Variants in UPF2 observed in about 807,000 individuals in gnomAD.
UPF2 encodes the protein UPF2 regulator of nonsense mediated mRNA decay, also known as regulator of nonsense transcripts 2.
A neutral mutation model predicts 141.4 loss-of-function variants in UPF2; 17 were observed. That is an observed-to-expected ratio of 0.12 (90% confidence interval 0.08 to 0.18). The LOEUF (loss-of-function observed/expected upper bound fraction) is 0.18, where lower values mean the gene tolerates loss of function less well. Ranked by LOEUF, UPF2 falls within the 10% of genes least tolerant of loss-of-function variation. UPF2 has a pLI of 1.00. For synonymous variants in UPF2, 540 were observed against 498.0 expected (o/e 1.08, Z -1.12); for missense variants, 1,152 against 1,515.9 (o/e 0.76, Z 3.99).
chr10:12,010,530 C>T (rs933587395), intron 4 of UPF2, among the ~76,000 whole-genome samples: 2 of 151,860 alleles, frequency 1.3e-5, no homozygotes, highest in African/African-American at 4.8e-5. Context: ...CAGAAACTAT[C>T]CAAAAGGAAA....
chr10:12,025,934 C>CA (rs1834411876), intron 3 of UPF2, among the ~76,000 whole-genome samples: 1 of 152,152 alleles, frequency 6.6e-6, no homozygotes, highest in African/African-American at 2.4e-5. Context: ...GCTGAGACTA[C>CA]AAGCGCATGC....
At position 11,971,134 on chromosome 10, in the gene UPF2, T is replaced by C. The variant is rs1304685716; in HGVS notation, c.1954-3680A>G. On this transcript the variant is annotated intron_variant, in intron 9 of 21. Coordinates refer to ENST00000357604, the MANE Select transcript of UPF2 (RefSeq NM_015542.4). ...TATACAACATTTAAATGAAGTGTTA[T>C]AAATCAATGATCTCACTCCCTCATT... Among the ~76,000 whole-genome samples the C allele has an allele frequency of 2.0e-5, 3 of 152,190 alleles. No individual in the cohort carries two copies. The East Asian group carries it at 5.8e-4, about 29-fold the overall frequency.
At chr10:11,961,088 T>TTA (rs1218843298) in intron 11 of UPF2, among the ~76,000 whole-genome samples, 1 of 111,518 alleles carries the variant, frequency 9.0e-6, no homozygotes, top group Admixed American at 9.9e-5. Context: ...AGACCCTGTC[T>TTA]CAAAAAAAAA....
At chr10:12,038,307 A>G (rs1208538549) in intron 1 of UPF2, among the ~76,000 whole-genome samples, 1 of 151,498 alleles carries the variant, frequency 6.6e-6, no homozygotes, top group Non-Finnish European at 1.5e-5. Context: ...TTGAACCCAG[A>G]AAGCAGAGGT....
At position 11,921,379 on chromosome 10, in the gene UPF2, A is replaced by T. The variant is rs1832642322; in HGVS notation, c.3810-72T>A. 6.3e-7 allele frequency: 1 copy of T among 1,591,320 alleles called. No homozygotes were observed. The highest frequency in any genetic ancestry group is 8.6e-7 in the Non-Finnish European group (1 of 1,160,632). On this transcript the variant is annotated intron_variant, in intron 21 of 21. Coordinates refer to ENST00000357604, the MANE Select transcript of UPF2 (RefSeq NM_015542.4). The surrounding 1 kb of genome is among the most constrained non-coding windows in gnomAD (Gnocchi z 5.9). ...CAAAGTCCAGCAAGATGGCGTCTGC[A>T]ACGCTACCCACCACCACCAAGTCAC... is the stretch of plus-strand genomic sequence containing the variant.
rs775850427 is a variant in UPF2 at position 11,959,274 on chromosome 10, T to G, written c.2267A>C (p.Asn756Thr). 3 of 1,613,400 alleles carry G rather than the reference T, an allele frequency of 1.9e-6. No individual in the cohort carries two copies. The highest frequency in any genetic ancestry group is 1.1e-5 in the South Asian group (1 of 91,006). The change falls in exon 12 of 22, where the codon AAC (asparagine) becomes ACC (threonine). Residue 756 changes from asparagine (N) to threonine (T), a missense_variant. Coordinates refer to ENST00000357604, the MANE Select transcript of UPF2 (RefSeq NM_015542.4). This position sits in a 1 kb window ranked among gnomAD's most constrained non-coding sequence, Gnocchi z 5.9. Reference sequence around the variant, plus strand: ...CACGGTTTTTTCAGCTGGAGGTGGGTTGCAGTAGTAATATGCATTCTCTAC... The same window carrying G: ...CACGGTTTTTTCAGCTGGAGGTGGGGTGCAGTAGTAATATGCATTCTCTAC... ...TMVENAYYYC[N>T]PPPAEKTVKK...
At chr10:12,021,428 A>T (rs1200724716) in intron 3 of UPF2, among the ~76,000 whole-genome samples, 1 of 151,944 alleles carries the variant, frequency 6.6e-6, no homozygotes, top group Non-Finnish European at 1.5e-5. Flanking sequence ...GGTCTCAGCG[A>T]CTTGGGAGGC....
In UPF2 at chr10:11,964,085, G is replaced by A. The variant is rs748312131; in HGVS notation, c.2108C>T (p.Ala703Val). The part of the protein sequence containing the change: ...SDFSHHHIEM[A>V]CTLLETCGRF... ...TCCACATGTCTCCAGCAGGGTGCAT[G>A]CCATTTCAATATGGTGATGAGAGAA... The change falls in exon 11 of 22, where the codon GCA becomes GTA. Residue 703 changes from alanine (A) to valine (V), a missense_variant. Physicochemically the swap from Ala to Val is moderately conservative, Grantham distance 64. Coordinates refer to ENST00000357604, the MANE Select transcript of UPF2 (RefSeq NM_015542.4). 3.7e-6 allele frequency: 6 copies of A among 1,613,846 alleles called. No individual in the cohort carries two copies. Among genetic ancestry groups the A allele is most frequent in the Non-Finnish European group, 5.1e-6 (6 of 1,179,886 alleles).
chr10:11,946,254 A>T (rs1184965687), intron 16 of UPF2, among the ~76,000 whole-genome samples: 2 of 152,236 alleles, frequency 1.3e-5, no homozygotes, highest in African/African-American at 4.8e-5. Flanking sequence ...CCAATAAGTT[A>T]CAAAGCTTTA....
rs1204297336 is a variant in UPF2 at position 11,992,101 on chromosome 10, G to A, written c.1844+5571C>T. 2.6e-5 allele frequency among the ~76,000 whole-genome samples: 4 copies of A among 151,652 alleles called. No homozygotes were observed. Among genetic ancestry groups the A allele is most frequent in the Admixed American group, 6.6e-5 (1 of 15,216 alleles). Reference sequence around the variant, plus strand: ...AGAGGTTGCAGTGAGCCAAGATCGCGCCACTGCACTCCAGCATGGGCAATA... The same window carrying A: ...AGAGGTTGCAGTGAGCCAAGATCGCACCACTGCACTCCAGCATGGGCAATA... On this transcript the variant is annotated intron_variant, in intron 8 of 21. Coordinates refer to ENST00000357604, the MANE Select transcript of UPF2 (RefSeq NM_015542.4). This position sits in a 1 kb window ranked among gnomAD's most constrained non-coding sequence, Gnocchi z 4.1.
At chr10:11,926,156 G>C (rs1288772218) in intron 21 of UPF2, among the ~76,000 whole-genome samples, 1 of 152,184 alleles carries the variant, frequency 6.6e-6, no homozygotes, top group African/African-American at 2.4e-5. Context: ...AGAATGCAGA[G>C]GATTTGCTAA....
intron 19 of UPF2, among the ~76,000 whole-genome samples, chr10:11,934,637 T>C (rs1025078713): frequency 6.6e-6 from 1 of 152,258 alleles, no homozygotes; most frequent in African/African-American, 2.4e-5. Flanking sequence ...TCGCCCAGGC[T>C]GGAGTACAAT....
intron 4 of UPF2, among the ~76,000 whole-genome samples, chr10:12,005,557 AT>A (rs1029107854): frequency 6.6e-5 from 10 of 152,176 alleles, no homozygotes; most frequent in Admixed American, 6.5e-4. Flanking sequence ...GCTATAATAA[AT>A]TTAGAGGGTC....
chr10:12,034,623 T>C (rs559689197), intron 2 of UPF2, among the ~76,000 whole-genome samples: 2 of 152,212 alleles, frequency 1.3e-5, no homozygotes, highest in South Asian at 2.1e-4. Flanking sequence ...CTGGCCAACA[T>C]GGTGAAACGC....
Position 11,922,218 on chromosome 10 carries a change from G to A in UPF2, c.3810-911C>T, listed in dbSNP as rs74119907. ...ACTCCCTGACCTCAGGTTTCCTGCCGGCGGCCTCCAGTGCTGCGAGACAAC... is the reference window on the plus strand; with the variant it reads ...ACTCCCTGACCTCAGGTTTCCTGCCAGCGGCCTCCAGTGCTGCGAGACAAC... On this transcript the variant is annotated intron_variant, in intron 21 of 21. Coordinates refer to ENST00000357604, the MANE Select transcript of UPF2 (RefSeq NM_015542.4). 4.3e-3 allele frequency among the ~76,000 whole-genome samples: 660 copies of A among 152,280 alleles called. 2 individuals carry two copies. The highest frequency in any genetic ancestry group is 0.015 in the African/African-American group (637 of 41,542).
chr10:12,037,112 TCTCA>T (rs907500193), intron 1 of UPF2, among the ~76,000 whole-genome samples: 6 of 152,184 alleles, frequency 3.9e-5, no homozygotes, highest in African/African-American at 1.4e-4. Context: ...TGAAACAGGG[TCTCA>T]CTTTGTCGCC....
chr10:11,944,765 G>C (rs957507744), intron 16 of UPF2, among the ~76,000 whole-genome samples: 6 of 152,092 alleles, frequency 3.9e-5, no homozygotes, highest in Admixed American at 6.5e-5. Flanking sequence ...TTAAGATTTT[G>C]AACAAGAATT....
At position 11,956,704 on chromosome 10, in the gene UPF2, TATC is replaced by T. The variant is rs1833157146; in HGVS notation, c.2371-184_2371-182del. ...ACTTTCTAATTACAATAAAATGTAT[TATC>T]ATCTTTCCTAAATCCTTCCATAGTG... On this transcript the variant is annotated intron_variant, in intron 12 of 21. Transcript: ENST00000357604. This position sits in a 1 kb window ranked among gnomAD's most constrained non-coding sequence, Gnocchi z 4.2. Among the ~76,000 whole-genome samples the T allele has an allele frequency of 6.6e-6, 1 of 152,204 alleles. No homozygotes were observed. The highest frequency in any genetic ancestry group is 2.4e-5 in the African/African-American group (1 of 41,450).
At chr10:12,021,647 C>A (rs1257377400) in intron 3 of UPF2, among the ~76,000 whole-genome samples, 2 of 152,044 alleles carry the variant, frequency 1.3e-5, no homozygotes, top group Non-Finnish European at 2.9e-5. Context: ...TAATCATTAG[C>A]CAAATTAAAA....
Sources: gnomAD v4.1 joint callset for allele counts (sites outside exome capture counted in the v4.1 genomes callset) on GRCh38, gnomAD v4.1.1 for gene constraint, Gnocchi (gnomAD v3.1) non-coding constraint, MANE v1.5 for transcripts, NCBI Gene and HGNC (gene_info 2026-07-23, HGNC 2026-07-21) for gene names.